The following AFF4 variants were observed in gnomAD, a reference collection of about 807,000 sequenced individuals.
The protein encoded by AFF4 is AF4/FMR2 family member 4.
Under a neutral mutation model 124.8 loss-of-function variants are expected in AFF4, and 13 were observed. That is an observed-to-expected ratio of 0.10 (90% CI 0.07 to 0.17). The LOEUF (loss-of-function observed/expected upper bound fraction) is 0.17. Ranked by LOEUF, AFF4 falls within the 10% of genes least tolerant of loss-of-function variation. AFF4 has a pLI of 1.00. For synonymous variants in AFF4, 477 were observed against 496.1 expected (o/e 0.96, Z 0.51); for missense variants, 1,092 against 1,403.8 (o/e 0.78, Z 3.55).
At chr5:132,891,836 C>T in intron 13 of AFF4, 1 of 310,554 alleles carries the variant, frequency 3.2e-6, no homozygotes, top group East Asian at 4.9e-5. Flanking sequence ...AGTTCTTTTA[C>T]AGACAGGGTC....
At position 132,892,200 on chromosome 5, in the gene AFF4, G is replaced by C. The variant is rs77247092; in HGVS notation, c.2601C>G (p.Thr867=). Residue 867 remains threonine, a synonymous_variant, in exon 13 of 21, where the codon ACC becomes ACG. Transcript: ENST00000265343. ...NSSSTSKQKK[T]EGKTSSSSKE... The stretch of plus-strand genomic sequence containing the variant: ...TGGAGCTACTGGAAGTCTTCCCTTC[G>C]GTCTTCTTCTGCTTTGATGTGGAGG... 7 of 1,613,850 alleles carry C rather than the reference G, an allele frequency of 4.3e-6. No individual in the cohort carries two copies. Among genetic ancestry groups the C allele is most frequent in the African/African-American group, 4.0e-5 (3 of 74,840 alleles).
chr5:132,896,890 T>C lies in AFF4; in HGVS notation c.1740A>G (p.Gly580=). The change falls in exon 11 of 21, where the codon GGA becomes GGG. Residue 580 remains glycine, a synonymous_variant. Coordinates refer to ENST00000265343, the MANE Select transcript of AFF4 (RefSeq NM_014423.4). ...GGGTTTCACTTTCTATCTTCAGGCC[T>C]CCACGAGGCTCTTCAGCAGCTGCCT... is the stretch of plus-strand genomic sequence containing the variant. ...AEKAAAEEPR[G]GLKIESETPV... The C allele has an allele frequency of 6.2e-7, 1 of 1,614,200 alleles. No individual in the cohort carries two copies. The highest frequency in any genetic ancestry group is 8.5e-7 in the Non-Finnish European group (1 of 1,180,038).
intron 1 of AFF4, among the ~76,000 whole-genome samples, chr5:132,939,491 C>T (rs967635203): frequency 3.9e-5 from 6 of 152,206 alleles, no homozygotes; most frequent in African/African-American, 1.4e-4. Flanking sequence ...AACAACCAGG[C>T]TTCAAATAGG....
intron 5 of AFF4, among the ~76,000 whole-genome samples, chr5:132,904,697 AT>A (rs1424890067): frequency 2.0e-5 from 3 of 152,190 alleles, no homozygotes; most frequent in African/African-American, 7.2e-5. Context: ...TCAATTTAAA[AT>A]TCTTGGTCTT....
Position 132,899,575 on chromosome 5 carries a change from T to A in AFF4, c.1188+12A>T. 6.2e-7 allele frequency: 1 copy of A among 1,607,998 alleles called. No individual in the cohort carries two copies. Among genetic ancestry groups the A allele is most frequent in the South Asian group, 1.1e-5 (1 of 90,264 alleles). On this transcript the variant is annotated intron_variant, in intron 8 of 20. Transcript: ENST00000265343. ...ATATGAGACTGGCAAAATAATACAATAGTAGACACACCTGTTCCCCATCAC... is the reference window on the plus strand; with the variant it reads ...ATATGAGACTGGCAAAATAATACAAAAGTAGACACACCTGTTCCCCATCAC...
At chr5:132,896,203 T>G in intron 11 of AFF4, 120 bp downstream of exon 11, 1 of 1,226,830 alleles carries the variant, frequency 8.2e-7, no homozygotes, top group South Asian at 1.5e-5. Context: ...GGGCCTTGGG[T>G]TTACCCACTA....
intron 1 of AFF4, among the ~76,000 whole-genome samples, chr5:132,941,070 T>G (rs1222403769): frequency 6.6e-6 from 1 of 151,986 alleles, no homozygotes; most frequent in Admixed American, 6.6e-5. Context: ...ATACCAGTTA[T>G]AGTGCTTATT....
intron 5 of AFF4, among the ~76,000 whole-genome samples, chr5:132,924,578 CGCGGTGGCTCACGCCTGTTAATCCCA>C (rs1221616314): frequency 6.6e-6 from 1 of 152,096 alleles, no homozygotes; most frequent in Non-Finnish European, 1.5e-5. Flanking sequence ...GCAGGCTGGG[CGCGGTGGCTCACGCCTGTTAATCCCA>C]GCACTTTGGG....
chr5:132,896,634 G>A lies in AFF4; in HGVS notation c.1996C>T (p.Pro666Ser). 6.8e-6 allele frequency: 11 copies of A among 1,614,050 alleles called. No individual in the cohort carries two copies. Among genetic ancestry groups the A allele is most frequent in the Non-Finnish European group, 9.3e-6 (11 of 1,179,990 alleles). Reference protein sequence around the residue: ...SESLPPSSQTPKYPESNRTPV... With the variant: ...SESLPPSSQTSKYPESNRTPV... The stretch of plus-strand genomic sequence containing the variant: ...GTCCTATTGCTCTCGGGGTACTTAG[G>A]AGTTTGTGAGGAAGGAGGAAGGCTC... The change falls in exon 11 of 21, where the codon CCT becomes TCT. Residue 666 changes from proline to serine, a missense_variant. Around this residue, in one of 11 missense-constraint regions of AFF4, gnomAD observed 174 missense variants for 205.9 expected, o/e 0.84. Transcript: ENST00000265343.
At chr5:132,941,026 C>CAA (rs35070481) in intron 1 of AFF4, among the ~76,000 whole-genome samples, 6 of 144,348 alleles carry the variant, frequency 4.2e-5, no homozygotes, top group Non-Finnish European at 6.1e-5. Flanking sequence ...AACTACATCT[C>CAA]AAAAAAAAAA....
intron 1 of AFF4, among the ~76,000 whole-genome samples, chr5:132,938,815 C>T (rs1419319283): frequency 6.6e-6 from 1 of 151,062 alleles, no homozygotes; most frequent in Non-Finnish European, 1.5e-5. Flanking sequence ...CAGTGGCAGG[C>T]GCCTGTAGTC....
At chr5:132,953,088 G>A (rs938025809) in intron 1 of AFF4, among the ~76,000 whole-genome samples, 2 of 151,686 alleles carry the variant, frequency 1.3e-5, no homozygotes, top group African/African-American at 4.8e-5. Flanking sequence ...CACTTTGGGA[G>A]GGCAAGGTGA....
chr5:132,936,250 G>A (rs1351729193), intron 2 of AFF4, among the ~76,000 whole-genome samples: 42 of 105,236 alleles, frequency 4.0e-4, no homozygotes, highest in Non-Finnish European at 6.1e-4. Context: ...CTGGGCGACA[G>A]AGCAAGACTC....
intron 5 of AFF4, among the ~76,000 whole-genome samples, chr5:132,905,684 G>C (rs962174450): frequency 6.6e-6 from 1 of 151,848 alleles, no homozygotes; most frequent in Non-Finnish European, 1.5e-5. Context: ...AACTCAAGAA[G>C]GATCAAAGAC....
At chr5:132,941,878 C>T (rs932767875) in intron 1 of AFF4, among the ~76,000 whole-genome samples, 5 of 151,848 alleles carry the variant, frequency 3.3e-5, no homozygotes, top group African/African-American at 9.7e-5. Flanking sequence ...CATGGTGGCA[C>T]ATGCCTTAAT....
intron 5 of AFF4, among the ~76,000 whole-genome samples, chr5:132,924,365 T>C (rs577696982): frequency 6.6e-6 from 1 of 152,308 alleles, no homozygotes; most frequent in South Asian, 2.1e-4. Context: ...GCACATGATG[T>C]ACTGATTCCA....
chr5:132,898,989 T>A, intron 9 of AFF4, 115 bp downstream of exon 9: 1 of 925,114 alleles, frequency 1.1e-6, no homozygotes, highest in Non-Finnish European at 1.7e-6. Flanking sequence ...TTTACAGAAT[T>A]GTACAACCAT....
chr5:132,880,902 A>T lies in AFF4; in HGVS notation c.*157T>A. The T allele has an allele frequency of 1.2e-6, 1 of 843,548 alleles. No individual in the cohort carries two copies. The highest frequency in any genetic ancestry group is 1.7e-6 in the Non-Finnish European group (1 of 577,798). The allele number at this position is 843,548 out of a possible 1,614,324, so 52.3% of individuals were successfully genotyped here. Reference sequence around the variant, plus strand: ...AAATATTAAAGGGCCAACTGACATGATCGCTTTGGATTATCAAAAACAACA... The same window carrying T: ...AAATATTAAAGGGCCAACTGACATGTTCGCTTTGGATTATCAAAAACAACA... On this transcript the variant is annotated 3_prime_UTR_variant, in exon 21 of 21. Transcript: ENST00000265343.
At chr5:132,912,174 A>C (rs1267444238) in intron 5 of AFF4, among the ~76,000 whole-genome samples, 1 of 87,214 alleles carries the variant, frequency 1.1e-5, no homozygotes, top group African/African-American at 5.4e-5. Flanking sequence ...CTAAAAATAC[A>C]AAAAAAAAAA....
Sources: allele counts gnomAD v4.1 joint callset (sites outside exome capture counted in the v4.1 genomes callset), GRCh38; gene constraint gnomAD v4.1.1; regional missense constraint gnomAD v4.1.1; transcripts MANE v1.5; gene names NCBI Gene and HGNC (gene_info 2026-07-23, HGNC 2026-07-21).